The following ZFHX3 variants were observed in gnomAD, a reference collection of about 807,000 sequenced individuals.
ZFHX3 encodes the protein zinc finger homeobox 3.
In ZFHX3, 42 loss-of-function variants were observed where a neutral mutation model predicts 279.1. That is an observed-to-expected ratio of 0.15 (90% CI 0.12 to 0.19). The LOEUF (loss-of-function observed/expected upper bound fraction) is 0.19. ZFHX3 is among the 10% of genes least tolerant of loss of function. The pLI is 1.00. For synonymous variants in ZFHX3, 2,293 were observed against 1,957.8 expected, an observed-to-expected ratio of 1.17 and a Z score of -4.52; for missense variants, 4,981 against 4,754.0, an observed-to-expected ratio of 1.05 and a Z score of -1.40.
chr16:73,617,081 G>A (rs567332278), intron 2 of ZFHX3, among the ~76,000 whole-genome samples: 1 of 152,166 alleles, frequency 6.6e-6, no homozygotes, highest in Non-Finnish European at 1.5e-5. Context: ...GAGAGATTAG[G>A]TGCAGATGAG....
At chr16:73,433,159 T>G (rs1597333700) in intron 3 of ZFHX3, among the ~76,000 whole-genome samples, 1 of 152,154 alleles carries the variant, frequency 6.6e-6, no homozygotes, top group African/African-American at 2.4e-5. Context: ...TCTAGGCAGG[T>G]CGGGGCCTGC....
At chr16:73,821,269 C>T (rs142591542) in intron 1 of ZFHX3, among the ~76,000 whole-genome samples, 25 of 152,310 alleles carry the variant, frequency 1.6e-4, no homozygotes, top group African/African-American at 5.8e-4. Flanking sequence ...GTTGTTCTTC[C>T]CCATGGACCA....
intron 2 of ZFHX3, among the ~76,000 whole-genome samples, chr16:73,601,299 CAAAAAAAA>C (rs1217744713): frequency 1.9e-3 from 116 of 60,476 alleles, no homozygotes; most frequent in Non-Finnish European, 3.4e-3. Flanking sequence ...ACTAAAAATA[CAAAAAAAA>C]AAAAAAAAAA....
At chr16:73,192,233 G>A (rs1019404690) in intron 5 of ZFHX3, among the ~76,000 whole-genome samples, 2 of 152,092 alleles carry the variant, frequency 1.3e-5, no homozygotes, top group African/African-American at 4.8e-5. Flanking sequence ...CCGTTGCAAA[G>A]CCCTCCCTGC....
intron 2 of ZFHX3, among the ~76,000 whole-genome samples, chr16:73,509,967 A>T (rs2019400284): frequency 6.6e-6 from 1 of 152,192 alleles, no homozygotes; most frequent in Admixed American, 6.5e-5. Context: ...AAGTTCTGGG[A>T]GTACAGGCAT....
rs147971103 is a variant in ZFHX3 at position 73,592,415 on chromosome 16, G to C, written c.-1547+87765C>G. 3.0e-3 allele frequency among the ~76,000 whole-genome samples: 458 copies of C among 152,132 alleles called. 3 individuals are homozygous for C. Among genetic ancestry groups the C allele is most frequent in the African/African-American group, 0.01 (434 of 41,508 alleles). On this transcript the variant is annotated intron_variant, in intron 2 of 17. Coordinates refer to the ZFHX3 transcript ENST00000641206. ...ATTATGATTGACAGTTGCTAAAACT[G>C]GATGATGGTACATGAAGGTTCATTA...
At chr16:73,033,537 G>C (rs986387738) in intron 1 of ZFHX3, among the ~76,000 whole-genome samples, 3 of 138,726 alleles carry the variant, frequency 2.2e-5, no homozygotes, top group Non-Finnish European at 4.5e-5. Flanking sequence ...GCGGGGGGTG[G>C]GGGGGGACTG....
chr16:73,152,757 G>A (rs539588779), intron 5 of ZFHX3, among the ~76,000 whole-genome samples: 38 of 118,944 alleles, frequency 3.2e-4, no homozygotes, highest in African/African-American at 1.2e-3. Context: ...AAAATGAGTT[G>A]CTTAAAAAAA....
At chr16:73,568,175 T>G (rs2143801128) in intron 2 of ZFHX3, among the ~76,000 whole-genome samples, 1 of 152,326 alleles carries the variant, frequency 6.6e-6, no homozygotes, top group South Asian at 2.1e-4. Flanking sequence ...ACTAAATTCC[T>G]TTACGTTTGT....
intron 5 of ZFHX3, among the ~76,000 whole-genome samples, chr16:73,231,014 G>C (rs2012755563): frequency 6.6e-6 from 1 of 152,162 alleles, no homozygotes; most frequent in Non-Finnish European, 1.5e-5. Flanking sequence ...ATGGGAGAAA[G>C]GGTGATGTGA....
chr16:73,108,995 G>T (rs983367948), intron 7 of ZFHX3, among the ~76,000 whole-genome samples: 2 of 88,760 alleles, frequency 2.3e-5, no homozygotes, highest in Admixed American at 2.4e-4. Context: ...GATAGGCACT[G>T]GTTGGGGATT....
intron 3 of ZFHX3, among the ~76,000 whole-genome samples, chr16:73,407,588 C>G (rs2017386638): frequency 6.6e-6 from 1 of 152,214 alleles, no homozygotes; most frequent in Non-Finnish European, 1.5e-5. Context: ...GAACAGACCA[C>G]TGAGCTTTCC....
At chr16:73,279,389 G>A (rs2014401073) in intron 4 of ZFHX3, among the ~76,000 whole-genome samples, 1 of 152,110 alleles carries the variant, frequency 6.6e-6, no homozygotes, top group Admixed American at 6.5e-5. Context: ...TCATATATTA[G>A]GGATCTGAAA....
intron 2 of ZFHX3, among the ~76,000 whole-genome samples, chr16:73,458,308 C>T (rs2018410146): frequency 7.0e-6 from 1 of 142,894 alleles, no homozygotes; most frequent in Non-Finnish European, 1.5e-5. Flanking sequence ...TTCCTTCTTT[C>T]CCTCCCTTCC....
At chr16:73,063,547 G>A (rs985462985), upstream of ZFHX3, among the ~76,000 whole-genome samples, 1 of 152,146 alleles carries the variant, frequency 6.6e-6, no homozygotes, top group East Asian at 1.9e-4. Flanking sequence ...TCAACCACCA[G>A]ATCTCAAAAG....
chr16:72,917,269 G>C (rs2039465428), intron 3 of ZFHX3, among the ~76,000 whole-genome samples: 1 of 151,878 alleles, frequency 6.6e-6, no homozygotes, highest in South Asian at 2.1e-4. Flanking sequence ...CAAAGGAGAA[G>C]GAAGCAAAAA....
rs745311893 is a variant in ZFHX3 at position 72,794,511 on chromosome 16, G to C, written c.8171C>G (p.Thr2724Ser). 10 of 1,614,254 alleles carry C rather than the reference G, an allele frequency of 6.2e-6. No individual in the cohort carries two copies. The South Asian group carries it at 8.8e-5, about 14-fold the overall frequency. ...GGACCGGATATGAGCCTCAAGAGCA[G>C]TCTTGGCTTTGAAGAGCGCTCTGCA... ...PFCRALFKAK[T>S]ALEAHIRSRH... Residue 2724 changes from threonine (T) to serine (S), a missense_variant, in exon 9 of 10, where the codon ACT becomes AGT. Thr to Ser is a moderately conservative substitution (Grantham distance 58). This residue lies in a region of ZFHX3 where 744 missense variants were observed against 701.3 expected (regional missense o/e 1.06). Coordinates refer to ENST00000268489, the MANE Select transcript of ZFHX3 (RefSeq NM_006885.4). This position sits in a 1 kb window ranked among gnomAD's most constrained non-coding sequence, Gnocchi z 4.2.
At chr16:73,234,481 G>C (rs1235236787) in intron 5 of ZFHX3, among the ~76,000 whole-genome samples, 1 of 152,208 alleles carries the variant, frequency 6.6e-6, no homozygotes, top group Non-Finnish European at 1.5e-5. Flanking sequence ...GGAAGGAAGA[G>C]CTTCAAGGGG....
At chr16:73,646,561 T>A (rs2052619899) in intron 2 of ZFHX3, among the ~76,000 whole-genome samples, 1 of 152,024 alleles carries the variant, frequency 6.6e-6, no homozygotes, top group Admixed American at 6.6e-5. Context: ...GATACATAAA[T>A]GTCTCCTAAA....
Sources: gnomAD v4.1 joint callset for allele counts (sites outside exome capture counted in the v4.1 genomes callset) on GRCh38, gnomAD v4.1.1 for gene constraint, gnomAD v4.1.1 regional missense constraint, Gnocchi (gnomAD v3.1) non-coding constraint, MANE v1.5 for transcripts, NCBI Gene and HGNC (gene_info 2026-07-23, HGNC 2026-07-21) for gene names.